The following BCKDHB variants were observed in gnomAD, a reference collection of about 807,000 sequenced individuals.
The protein encoded by BCKDHB is branched chain keto acid dehydrogenase E1 subunit beta, also known as 2-oxoisovalerate dehydrogenase subunit beta, mitochondrial.
In BCKDHB, 41 loss-of-function variants were observed where a neutral mutation model predicts 48.5. The ratio of observed to expected loss-of-function variants is 0.85; its 90% CI spans 0.66 to 1.10. BCKDHB has a LOEUF of 1.10. BCKDHB is among the 50% of genes least tolerant of loss of function. The pLI, the probability that BCKDHB is intolerant of heterozygous loss-of-function variation, is 0.00. For synonymous variants in BCKDHB, 201 were observed against 174.8 expected (o/e 1.15, Z -1.18); for missense variants, 496 against 494.2 (o/e 1.00, Z -0.03).
At chr6:80,169,751 A>G (rs1337011008) in intron 5 of BCKDHB, 1 of 1,509,438 alleles carries the variant, frequency 6.6e-7, no homozygotes, top group African/African-American at 1.4e-5. Context: ...GACCACATGA[A>G]TTGATTGTGA....
intron 9 of BCKDHB, among the ~76,000 whole-genome samples, chr6:80,327,776 G>A (rs1163107045): frequency 6.6e-6 from 1 of 152,012 alleles, no homozygotes; most frequent in Non-Finnish European, 1.5e-5. Context: ...CTACTATGAA[G>A]TTAGCCCCCT....
At chr6:80,164,736 C>T (rs1772489511) in intron 3 of BCKDHB, among the ~76,000 whole-genome samples, 1 of 152,056 alleles carries the variant, frequency 6.6e-6, no homozygotes, top group Non-Finnish European at 1.5e-5. Flanking sequence ...TTTAGTAATC[C>T]GTGGAGGTAA....
chr6:80,221,319 C>T (rs976027364), intron 8 of BCKDHB, among the ~76,000 whole-genome samples: 29 of 152,132 alleles, frequency 1.9e-4, no homozygotes, highest in African/African-American at 6.5e-4. Context: ...ACTACCCCTT[C>T]CCGACTTTGT....
intron 6 of BCKDHB, among the ~76,000 whole-genome samples, chr6:80,182,422 A>G (rs1773455179): frequency 6.6e-6 from 1 of 152,158 alleles, no homozygotes; most frequent in Non-Finnish European, 1.5e-5. Context: ...GCAGATATCT[A>G]TTTTTGATCA....
At chr6:80,327,592 C>T (rs889442809) in intron 9 of BCKDHB, among the ~76,000 whole-genome samples, 3 of 152,146 alleles carry the variant, frequency 2.0e-5, no homozygotes, top group Admixed American at 6.5e-5. Flanking sequence ...TGAAAGAGTT[C>T]GTCCAACTTT....
At chr6:80,288,591 T>G (rs1766745358) in intron 9 of BCKDHB, among the ~76,000 whole-genome samples, 1 of 152,066 alleles carries the variant, frequency 6.6e-6, no homozygotes, top group Non-Finnish European at 1.5e-5. Context: ...CTAAAGAAAC[T>G]GGAATAATGA....
intron 1 of BCKDHB, among the ~76,000 whole-genome samples, chr6:80,122,935 C>T (rs1770114269): frequency 6.6e-6 from 1 of 152,102 alleles, no homozygotes; most frequent in African/African-American, 2.4e-5. Flanking sequence ...AAGACAGACG[C>T]TCCCAGAGCG....
chr6:80,418,078 C>A, the BCKDHB span, among the ~76,000 whole-genome samples: 1 of 152,002 alleles, frequency 6.6e-6, no homozygotes, highest in Non-Finnish European at 1.5e-5. Context: ...TTTCAGAGAG[C>A]TCATCTTCAA....
chr6:80,418,476 C>A, the BCKDHB span, among the ~76,000 whole-genome samples: 1 of 151,998 alleles, frequency 6.6e-6, no homozygotes, highest in Non-Finnish European at 1.5e-5. Flanking sequence ...TTCTTTTATC[C>A]TATTTTTGAC....
At chr6:80,302,844 AT>A (rs1767657452) in intron 9 of BCKDHB, among the ~76,000 whole-genome samples, 2 of 152,190 alleles carry the variant, frequency 1.3e-5, no homozygotes, top group South Asian at 4.1e-4. Flanking sequence ...ATAAAATGAA[AT>A]ATGAGCTATG....
chr6:80,235,105 G>A (rs1179954941), intron 8 of BCKDHB, among the ~76,000 whole-genome samples: 1 of 152,158 alleles, frequency 6.6e-6, no homozygotes, highest in African/African-American at 2.4e-5. Context: ...ACACAGTAGG[G>A]TGACTCTAGT....
chr6:80,433,711 G>GAA, the BCKDHB span, among the ~76,000 whole-genome samples: 860 of 147,796 alleles, frequency 5.8e-3, 8 homozygotes, highest in African/African-American at 0.02. Flanking sequence ...CTGGTGTATG[G>GAA]AAAAAAAAAA....
chr6:80,107,034 G>T, intron 1 of BCKDHB, 145 bp downstream of exon 1: 1 of 1,058,318 alleles, frequency 9.4e-7, no homozygotes. Flanking sequence ...CCTTGCCTCA[G>T]GGTCTAACTG....
the BCKDHB span, among the ~76,000 whole-genome samples, chr6:80,361,003 CAA>C: frequency 5.1e-5 from 6 of 117,756 alleles, no homozygotes; most frequent in Admixed American, 9.4e-5. Flanking sequence ...GACTCCATCT[CAA>C]AAAAAAAAAA....
chr6:80,229,780 T>C (rs1425727570), intron 8 of BCKDHB, among the ~76,000 whole-genome samples: 1 of 152,010 alleles, frequency 6.6e-6, no homozygotes, highest in Non-Finnish European at 1.5e-5. Flanking sequence ...TTCCTCATAT[T>C]ATTAGTAAGA....
At chr6:80,130,058 T>A (rs1457390435) in intron 3 of BCKDHB, among the ~76,000 whole-genome samples, 1 of 152,238 alleles carries the variant, frequency 6.6e-6, no homozygotes, top group Non-Finnish European at 1.5e-5. Flanking sequence ...TGCCCATTGC[T>A]TTTATTAATT....
chr6:80,215,213 C>T (rs6924011), intron 8 of BCKDHB, among the ~76,000 whole-genome samples: 12,431 of 152,194 alleles, frequency 0.082, 612 homozygotes, highest in African/African-American at 0.1. Context: ...ACAGGTAGGG[C>T]GGTGCCCTCC....
the BCKDHB span, among the ~76,000 whole-genome samples, chr6:80,428,811 T>C: frequency 5.1e-4 from 78 of 152,168 alleles, no homozygotes; most frequent in African/African-American, 1.9e-3. Flanking sequence ...TTTTCTCCCA[T>C]GCTGTGGGTT....
chr6:80,134,584 G>A (rs1045016575), intron 3 of BCKDHB, among the ~76,000 whole-genome samples: 22 of 152,038 alleles, frequency 1.4e-4, no homozygotes, highest in Admixed American at 4.6e-4. Context: ...GGTTTTATTT[G>A]TTTTTAAAAA....
Sources: gnomAD v4.1 joint callset for allele counts (sites outside exome capture counted in the v4.1 genomes callset) on GRCh38, gnomAD v4.1.1 for gene constraint, MANE v1.5 for transcripts, NCBI Gene and HGNC (gene_info 2026-07-23, HGNC 2026-07-21) for gene names.